Variants in IPPK observed in about 807,000 individuals in gnomAD.
IPPK encodes the protein IPK1 homolog.
A neutral mutation model predicts 64.6 loss-of-function variants in IPPK; 22 were observed. The ratio of observed to expected loss-of-function variants is 0.34; its 90% confidence interval spans 0.24 to 0.49. IPPK has a LOEUF of 0.49. Among genes scored for constraint, IPPK ranks in the 20% least tolerant of loss-of-function variants. The pLI, the probability that IPPK is intolerant of heterozygous loss-of-function variation, is 0.99. For missense variants in IPPK, 532 were observed against 630.7 expected (o/e 0.84, Z 1.68); for synonymous variants, 262 against 247.2 (o/e 1.06, Z -0.56).
chr9:92,648,012 C>G (rs1564036105), intron 6 of IPPK, 47 bp downstream of exon 6: 1 of 1,345,266 alleles, frequency 7.4e-7, no homozygotes, highest in Non-Finnish European at 1.1e-6. Flanking sequence ...CAGCCCAGAT[C>G]CCCAGCGTGC....
chr9:92,619,658 C>T, intron 11 of IPPK, 93 bp from the exon 12 acceptor site: 1 of 1,122,214 alleles, frequency 8.9e-7, no homozygotes, highest in Non-Finnish European at 1.3e-6. Context: ...GTGGGAACTG[C>T]TTCCTGCCTC....
intron 1 of IPPK, 118 bp downstream of exon 1, chr9:92,669,790 G>T: frequency 2.9e-6 from 2 of 682,484 alleles, no homozygotes; most frequent in South Asian, 3.4e-5. Context: ...CGGCCGGGGA[G>T]GAGGAAGGTA....
At chr9:92,660,687 TC>T in intron 1 of IPPK, among the ~76,000 whole-genome samples, 1 of 152,040 alleles carries the variant, frequency 6.6e-6, no homozygotes, top group South Asian at 2.1e-4. Context: ...AGGACCCCCC[TC>T]CCCTGGCAGC....
At chr9:92,631,174 T>C (rs1851835884) in intron 11 of IPPK, among the ~76,000 whole-genome samples, 1 of 151,684 alleles carries the variant, frequency 6.6e-6, no homozygotes, top group Non-Finnish European at 1.5e-5. Context: ...CCCTCTTTTC[T>C]TCAGCGGTAC....
rs1424459108 is a variant in IPPK at position 92,616,068 on chromosome 9, A to G, written c.1251-11T>C. ...GGCCTTTGATCAGAGCTGCAAGTAA[A>G]AAGTACCATTTCAGGATACACAAGC... is the stretch of plus-strand genomic sequence containing the variant. On this transcript the variant is annotated splice_polypyrimidine_tract_variant and intron_variant, in intron 12 of 12. Transcript: ENST00000287996. 1 of 1,603,048 alleles carries G rather than the reference A, an allele frequency of 6.2e-7. No individual in the cohort carries two copies. Among genetic ancestry groups the G allele is most frequent in the Non-Finnish European group, 8.5e-7 (1 of 1,171,418 alleles).
intron 11 of IPPK, 183 bp from the exon 12 acceptor site, chr9:92,619,748 C>T (rs1396948310): frequency 1.8e-5 from 11 of 620,182 alleles, no homozygotes; most frequent in Non-Finnish European, 2.9e-5. Context: ...GCACCTGGGC[C>T]AGCCCTCAGT....
chr9:92,650,261 G>A (rs984294046), intron 4 of IPPK, among the ~76,000 whole-genome samples: 7 of 152,042 alleles, frequency 4.6e-5, no homozygotes, highest in Non-Finnish European at 8.8e-5. Flanking sequence ...AGGCAGAGGA[G>A]GTTGCAGTGA....
chr9:92,656,560 G>C lies in IPPK; in HGVS notation c.130-9C>G, dbSNP rs1425509133. 1 of 1,583,162 alleles carries C rather than the reference G, an allele frequency of 6.3e-7. No individual in the cohort carries two copies. Among genetic ancestry groups the C allele is most frequent in the South Asian group, 1.1e-5 (1 of 90,468 alleles). On this transcript the variant is annotated splice_polypyrimidine_tract_variant and intron_variant, in intron 2 of 12. Transcript: ENST00000287996. ...AATATCTCTTCCGAGGTCTGTAAGA[G>C]ACAACCACAGGACAGCCTTCGTGAT...
At chr9:92,619,953 G>A (rs906616192) in intron 11 of IPPK, 10 of 252,582 alleles carry the variant, frequency 4.0e-5, no homozygotes, top group Admixed American at 3.0e-4. Flanking sequence ...AGTATCACTC[G>A]ACACCTGCAA....
At chr9:92,648,812 G>A (rs1234076071) in intron 5 of IPPK, among the ~76,000 whole-genome samples, 1 of 152,194 alleles carries the variant, frequency 6.6e-6, no homozygotes, top group East Asian at 1.9e-4. Flanking sequence ...GAGGGACCCT[G>A]ACAGCCACCC....
intron 11 of IPPK, among the ~76,000 whole-genome samples, chr9:92,627,572 C>T (rs72756406): frequency 0.04 from 6,030 of 152,224 alleles, 184 homozygotes; most frequent in South Asian, 0.11. Context: ...TTATGTAATA[C>T]ACCACATTAA....
intron 6 of IPPK, 52 bp downstream of exon 6, chr9:92,648,007 C>G (rs904590488): frequency 1.5e-6 from 2 of 1,299,540 alleles, no homozygotes; most frequent in Non-Finnish European, 2.2e-6. Context: ...TGCCTCAGCC[C>G]AGATCCCCAG....
chr9:92,619,820 C>A, intron 11 of IPPK: 1 of 525,840 alleles, frequency 1.9e-6, no homozygotes, highest in Admixed American at 3.1e-5. Flanking sequence ...CAGTGTGGGA[C>A]CCCGACTCCA....
Position 92,670,091 on chromosome 9 carries a change from C to T in IPPK, c.-103G>A. ...AGCCGCTGCGGTCGGGGGAGGAGCG[C>T]CTGTCAGCTGCCGCCCCCGCTCGAC... On this transcript the variant is annotated 5_prime_UTR_variant, in exon 1 of 13. Transcript: ENST00000287996. 1.3e-6 allele frequency: 1 copy of T among 749,574 alleles called. No individual in the cohort carries two copies. The highest frequency in any genetic ancestry group is 2.0e-6 in the Non-Finnish European group (1 of 496,086). The allele number at this position is 749,574 out of a possible 1,614,324, so 46.4% of individuals were successfully genotyped here.
At chr9:92,637,900 C>A (rs1221263730) in intron 9 of IPPK, 101 bp downstream of exon 9, 2 of 1,280,844 alleles carry the variant, frequency 1.6e-6, no homozygotes, top group East Asian at 2.6e-5. Flanking sequence ...TCCCCCAGAG[C>A]CCCCAGGAGG....
At chr9:92,616,234 T>C in intron 12 of IPPK, 177 bp from the exon 13 acceptor site, 1 of 563,042 alleles carries the variant, frequency 1.8e-6, no homozygotes, top group Non-Finnish European at 3.2e-6. Flanking sequence ...ACACCCCAGC[T>C]CACAAAGAGC....
intron 1 of IPPK, among the ~76,000 whole-genome samples, chr9:92,661,392 T>C (rs4743875): frequency 0.33 from 50,822 of 152,126 alleles, 10,315 homozygotes; most frequent in African/African-American, 0.56. Context: ...TCCTCGCTGC[T>C]ACTGAGTCAC....
At position 92,615,301 on chromosome 9, in the gene IPPK, C is replaced by T. The variant is rs1051118599; in HGVS notation, c.*531G>A. 6 of 161,580 alleles carry T rather than the reference C, an allele frequency of 3.7e-5. No individual in the cohort carries two copies. Among genetic ancestry groups the T allele is most frequent in the African/African-American group, 1.2e-4 (5 of 41,476 alleles). 10.0% of individuals were successfully genotyped at this position (161,580 alleles called of 1,614,324 possible). A position where few individuals can be genotyped will look rare whatever the true frequency, so the allele number is the denominator to read the frequency against. ...CTCAGAATCGGCATCTGCGCGACCA[C>T]GAGGTCACGCTGTGCAGCAGGGAAC... On this transcript the variant is annotated 3_prime_UTR_variant, in exon 13 of 13. Transcript: ENST00000287996.
chr9:92,618,558 G>A (rs887644091), intron 12 of IPPK: 4 of 456,512 alleles, frequency 8.8e-6, no homozygotes, highest in Non-Finnish European at 1.8e-5. Flanking sequence ...GTATCTTCGT[G>A]GGTTTTCTCT....
Sources: allele counts gnomAD v4.1 joint callset (sites outside exome capture counted in the v4.1 genomes callset), GRCh38; gene constraint gnomAD v4.1.1; transcripts MANE v1.5; gene names NCBI Gene and HGNC (gene_info 2026-07-23, HGNC 2026-07-21).